Variants in MACROD2 observed in about 807,000 individuals in gnomAD.
MACROD2 encodes the protein ADP-ribose glycohydrolase MACROD2.
MACROD2 carries 36 observed loss-of-function variants against 70.4 expected under a neutral mutation model. That is an observed-to-expected ratio of 0.51 (90% CI 0.39 to 0.68). The LOEUF (loss-of-function observed/expected upper bound fraction) is 0.68, where lower values mean the gene tolerates loss of function less well. Ranked by LOEUF, MACROD2 falls within the 30% of genes least tolerant of loss-of-function variation. The probability of loss-of-function intolerance (pLI) is 0.00; values close to 1 mark genes in which losing one functional copy is unlikely to be tolerated. For synonymous variants in MACROD2, 172 were observed against 178.8 expected, an observed-to-expected ratio of 0.96 and a Z score of 0.30; for missense variants, 496 against 538.4, an observed-to-expected ratio of 0.92 and a Z score of 0.78.
At chr20:15,579,035 T>A (rs2048487928) in intron 8 of MACROD2, among the ~76,000 whole-genome samples, 1 of 152,312 alleles carries the variant, frequency 6.6e-6, no homozygotes, top group Admixed American at 6.5e-5. Flanking sequence ...ACACTACATA[T>A]ATTTTGAATT....
At chr20:15,328,004 AT>A (rs2077950514) in intron 6 of MACROD2, among the ~76,000 whole-genome samples, 2 of 152,236 alleles carry the variant, frequency 1.3e-5, no homozygotes, top group South Asian at 4.1e-4. Context: ...ATTATATAGT[AT>A]GTTAAAATTG....
intron 5 of MACROD2, among the ~76,000 whole-genome samples, chr20:15,149,969 G>A (rs2076257391): frequency 6.6e-6 from 1 of 152,042 alleles, no homozygotes; most frequent in African/African-American, 2.4e-5. Context: ...TTATGTAATG[G>A]TTTTGTTAGG....
rs71190132 is a variant in MACROD2 at position 14,356,498 on chromosome 20, CTTT to C, written c.272-136960_272-136958del. ...ACCTGGGGGCTGGAGGATCTACTTTCTTTTTTTTTTTTTTTTTTTTTTTCGAGA... is the reference window on the plus strand; with the variant it reads ...ACCTGGGGGCTGGAGGATCTACTTTCTTTTTTTTTTTTTTTTTTTTCGAGA... On this transcript the variant is annotated intron_variant, in intron 3 of 17. Coordinates refer to ENST00000684519, the MANE Select transcript of MACROD2 (RefSeq NM_001351661.2). 1.7e-3 allele frequency among the ~76,000 whole-genome samples: 133 copies of C among 76,796 alleles called. 1 individual carries two copies. Among genetic ancestry groups the C allele is most frequent in the African/African-American group, 5.8e-3 (125 of 21,374 alleles). 50.4% of individuals were successfully genotyped at this position (76,796 alleles called of 152,430 possible). A position where few individuals can be genotyped will look rare whatever the true frequency, so the allele number is the denominator to read the frequency against.
intron 8 of MACROD2, among the ~76,000 whole-genome samples, chr20:15,758,429 G>A (rs911632036): frequency 2.7e-5 from 4 of 150,706 alleles, no homozygotes; most frequent in Non-Finnish European, 5.9e-5. Flanking sequence ...TAGTAGACAC[G>A]GGGTTTCACC....
chr20:14,948,035 T>C (rs1418966371), intron 5 of MACROD2, among the ~76,000 whole-genome samples: 4 of 152,198 alleles, frequency 2.6e-5, no homozygotes, highest in Non-Finnish European at 5.9e-5. Flanking sequence ...CCAGAGCAAG[T>C]ATTTCCCCTC....
chr20:14,388,891 T>G (rs1417800095), intron 3 of MACROD2, among the ~76,000 whole-genome samples: 1 of 152,076 alleles, frequency 6.6e-6, no homozygotes, highest in Non-Finnish European at 1.5e-5. Flanking sequence ...TTGTTTTTCA[T>G]TTTTGAGATA....
intron 15 of MACROD2, among the ~76,000 whole-genome samples, chr20:16,030,335 C>CCAAATGAAA (rs1466746144): frequency 2.0e-5 from 3 of 152,190 alleles, no homozygotes; most frequent in African/African-American, 7.2e-5. Context: ...AGGAAAACCT[C>CCAAATGAAA]CAAATGAAAG....
intron 5 of MACROD2, among the ~76,000 whole-genome samples, chr20:14,890,500 G>C (rs916309077): frequency 6.6e-6 from 1 of 152,124 alleles, no homozygotes; most frequent in African/African-American, 2.4e-5. Flanking sequence ...GGGTGCAGTG[G>C]CTCATGCCTG....
chr20:15,017,225 G>A (rs894752138), intron 5 of MACROD2, among the ~76,000 whole-genome samples: 2 of 152,140 alleles, frequency 1.3e-5, no homozygotes, highest in African/African-American at 2.4e-5. Flanking sequence ...CATTCCAAAC[G>A]GGAGAAATTG....
intron 8 of MACROD2, among the ~76,000 whole-genome samples, chr20:15,617,101 T>G (rs2049049855): frequency 6.6e-6 from 1 of 152,250 alleles, no homozygotes; most frequent in Non-Finnish European, 1.5e-5. Context: ...GAATAATCCC[T>G]GCTGCACTGT....
At chr20:14,686,413 C>A (rs895821099) in intron 5 of MACROD2, among the ~76,000 whole-genome samples, 1 of 152,090 alleles carries the variant, frequency 6.6e-6, no homozygotes, top group African/African-American at 2.4e-5. Flanking sequence ...TTTTGACTGG[C>A]CTGTCACATG....
intron 3 of MACROD2, among the ~76,000 whole-genome samples, chr20:14,486,512 A>ACTTTT (rs2084732511): frequency 1.9e-5 from 1 of 52,832 alleles, no homozygotes; most frequent in African/African-American, 8.4e-5. Flanking sequence ...AAAATAGCCA[A>ACTTTT]CTTTTTATTT....
At chr20:14,846,458 AAATATATATT>A in intron 5 of MACROD2, among the ~76,000 whole-genome samples, 1 of 151,226 alleles carries the variant, frequency 6.6e-6, no homozygotes, top group South Asian at 2.1e-4. Flanking sequence ...TTCGAAAACT[AAATATATATT>A]TCATTATATA....
Position 14,913,919 on chromosome 20 carries a change from T to C in MACROD2, c.418+228960T>C, listed in dbSNP as rs554411891. On this transcript the variant is annotated intron_variant, in intron 5 of 17. Transcript: ENST00000684519. ...AATTAACCAACAACCAAGATTTGAA[T>C]ACAGCTTGGTCCTGGGCCTCCTTGG... is the stretch of plus-strand genomic sequence containing the variant. Among the ~76,000 whole-genome samples, 43 of 152,278 alleles carry C rather than the reference T, an allele frequency of 2.8e-4. 1 individual carries two copies. The South Asian group carries it at 8.9e-3, about 32-fold the overall frequency.
At chr20:15,246,812 G>A (rs1044633880) in intron 6 of MACROD2, among the ~76,000 whole-genome samples, 2 of 152,070 alleles carry the variant, frequency 1.3e-5, no homozygotes, top group Admixed American at 6.6e-5. Context: ...GCCCTAAAGT[G>A]GAAACAATCC....
chr20:14,900,669 A>G (rs894121048), intron 5 of MACROD2, among the ~76,000 whole-genome samples: 1 of 151,634 alleles, frequency 6.6e-6, no homozygotes, highest in Non-Finnish European at 1.5e-5. Context: ...CTCTTTAATT[A>G]TGATTTTAGT....
chr20:14,478,251 C>T (rs890994858), intron 3 of MACROD2, among the ~76,000 whole-genome samples: 1 of 152,140 alleles, frequency 6.6e-6, no homozygotes, highest in African/African-American at 2.4e-5. Flanking sequence ...GCCTTTATAT[C>T]CCCATAAGTA....
chr20:14,270,799 TTCTA>T (rs2082186641), intron 3 of MACROD2, among the ~76,000 whole-genome samples: 1 of 152,082 alleles, frequency 6.6e-6, no homozygotes, highest in Non-Finnish European at 1.5e-5. Flanking sequence ...ATTTCTGCAT[TTCTA>T]TCTGAGGCTT....
At chr20:15,575,104 A>G (rs976671581) in intron 8 of MACROD2, among the ~76,000 whole-genome samples, 2 of 152,178 alleles carry the variant, frequency 1.3e-5, no homozygotes, top group Admixed American at 1.3e-4. Context: ...CCAGTGAACA[A>G]TCAAATTCTG....
Sources: allele counts gnomAD v4.1 joint callset (sites outside exome capture counted in the v4.1 genomes callset), GRCh38; gene constraint gnomAD v4.1.1; transcripts MANE v1.5; gene names NCBI Gene and HGNC (gene_info 2026-07-23, HGNC 2026-07-21).